The following CELF2 variants were observed in gnomAD, a reference collection of about 807,000 sequenced individuals.
CELF2 encodes CUGBP Elav-like family member 2, also known as CUG triplet repeat RNA-binding protein 2.
Under a neutral mutation model 62.6 loss-of-function variants are expected in CELF2, and 8 were observed. The ratio of observed to expected loss-of-function variants is 0.13; its 90% CI spans 0.07 to 0.23. CELF2 has a LOEUF of 0.23. Among genes scored for constraint, CELF2 ranks in the 10% least tolerant of loss-of-function variants. CELF2 has a pLI of 1.00. For synonymous variants in CELF2, 258 were observed against 250.0 expected, an observed-to-expected ratio of 1.03 and a Z score of -0.30; for missense variants, 333 against 671.0, an observed-to-expected ratio of 0.50 and a Z score of 5.56.
chr10:11,288,409 C>T lies in CELF2; in HGVS notation c.842-9C>T. 6.2e-7 allele frequency: 1 copy of T among 1,613,438 alleles called. No homozygotes were observed. Among genetic ancestry groups the T allele is most frequent in the Non-Finnish European group, 8.5e-7 (1 of 1,179,766 alleles). ...TGTTGCTGAAAGTAACTTTCTCTTCCCTCCACAGGCATGAATGCTTTACAG... is the reference window on the plus strand; with the variant it reads ...TGTTGCTGAAAGTAACTTTCTCTTCTCTCCACAGGCATGAATGCTTTACAG... On this transcript the variant is annotated splice_polypyrimidine_tract_variant and intron_variant, in intron 8 of 12. Transcript: ENST00000633077.
At chr10:10,788,209 T>C in the CELF2 span, among the ~76,000 whole-genome samples, 1 of 152,094 alleles carries the variant, frequency 6.6e-6, no homozygotes, top group Admixed American at 6.5e-5. Flanking sequence ...TGTAGCTGTA[T>C]GGATATATTT....
intron 1 of CELF2, among the ~76,000 whole-genome samples, chr10:11,048,598 A>G (rs1173432445): frequency 3.3e-5 from 5 of 152,262 alleles, no homozygotes; most frequent in African/African-American, 1.2e-4. Flanking sequence ...CTTGTTTGAC[A>G]ACACCATTAC....
intron 1 of CELF2, among the ~76,000 whole-genome samples, chr10:10,912,200 C>T (rs79972555): frequency 0.02 from 3,012 of 152,306 alleles, 96 homozygotes; most frequent in African/African-American, 0.068. Context: ...AGAGTCACCG[C>T]ATCAGAGAGG....
the CELF2 span, among the ~76,000 whole-genome samples, chr10:10,607,413 C>A: frequency 6.6e-5 from 10 of 152,234 alleles, no homozygotes; most frequent in African/African-American, 1.9e-4. Context: ...TTCAAACTAC[C>A]AGTAGTTGAA....
intron 2 of CELF2, among the ~76,000 whole-genome samples, chr10:11,215,705 C>G (rs1411126467): frequency 6.6e-6 from 1 of 152,098 alleles, no homozygotes; most frequent in Non-Finnish European, 1.5e-5. Flanking sequence ...GGAGAAGTCA[C>G]TGAGACTGTG....
chr10:11,187,279 G>C (rs1172014659), intron 2 of CELF2, among the ~76,000 whole-genome samples: 2 of 152,060 alleles, frequency 1.3e-5, no homozygotes, highest in African/African-American at 2.4e-5. Flanking sequence ...TGGTGGTTTT[G>C]AAATGACCTT....
chr10:10,979,532 A>G (rs1468645222), intron 2 of CELF2, among the ~76,000 whole-genome samples: 1 of 151,996 alleles, frequency 6.6e-6, no homozygotes, highest in East Asian at 1.9e-4. Flanking sequence ...TTAGCCGGGC[A>G]TGGTGGTGCA....
chr10:11,042,724 T>G (rs2062060142), intron 1 of CELF2, among the ~76,000 whole-genome samples: 1 of 152,158 alleles, frequency 6.6e-6, no homozygotes, highest in African/African-American at 2.4e-5. Flanking sequence ...AGGCAACCAT[T>G]GATCTCTGTT....
At chr10:10,639,289 CA>C in the CELF2 span, among the ~76,000 whole-genome samples, 1 of 152,122 alleles carries the variant, frequency 6.6e-6, no homozygotes, top group Non-Finnish European at 1.5e-5. Flanking sequence ...TCAATTATGA[CA>C]AAAGAAATTA....
chr10:11,005,020 T>C, upstream of CELF2: 7 of 983,364 alleles, frequency 7.1e-6, no homozygotes, highest in Non-Finnish European at 8.5e-6. The surrounding 1 kb of genome is among the most constrained non-coding windows in gnomAD (Gnocchi z 4.3). Flanking sequence ...CCTTGGTTGT[T>C]GTTTTTTTTG....
intron 1 of CELF2, among the ~76,000 whole-genome samples, chr10:10,898,095 C>G (rs1400733995): frequency 6.6e-6 from 1 of 152,144 alleles, no homozygotes; most frequent in African/African-American, 2.4e-5. Context: ...AGGCCAGTAA[C>G]TCCTTTATTT....
intron 1 of CELF2, among the ~76,000 whole-genome samples, chr10:11,142,130 G>C (rs941293379): frequency 2.0e-5 from 3 of 152,218 alleles, no homozygotes; most frequent in Admixed American, 6.5e-5. Flanking sequence ...CTGCCCATCA[G>C]ATGGCTTACA....
At chr10:11,074,874 G>C (rs540973646) in intron 1 of CELF2, 1 of 152,312 alleles carries the variant, frequency 6.6e-6, no homozygotes, top group East Asian at 1.9e-4. Context: ...TTATTCTTAT[G>C]TTGAAATATC....
At chr10:11,033,238 C>T (rs1031552874) in intron 1 of CELF2, among the ~76,000 whole-genome samples, 3 of 149,096 alleles carry the variant, frequency 2.0e-5, no homozygotes, top group African/African-American at 4.9e-5. Context: ...ATCACAAATA[C>T]TGTCTCAATG....
chr10:11,085,998 T>G (rs1217053855), intron 1 of CELF2, among the ~76,000 whole-genome samples: 1 of 152,146 alleles, frequency 6.6e-6, no homozygotes, highest in African/African-American at 2.4e-5. Context: ...ATTTAATGAA[T>G]TAATACACGT....
chr10:10,749,744 A>T, the CELF2 span, among the ~76,000 whole-genome samples: 2 of 152,254 alleles, frequency 1.3e-5, no homozygotes, highest in African/African-American at 4.8e-5. Flanking sequence ...GACTGGAAGC[A>T]AATTAGTAAA....
chr10:10,558,785 A>T, the CELF2 span, among the ~76,000 whole-genome samples: 1 of 152,238 alleles, frequency 6.6e-6, no homozygotes, highest in East Asian at 1.9e-4. Context: ...TGTCGAGGAA[A>T]TTTATCCATT....
chr10:11,318,528 A>T lies in CELF2; in HGVS notation c.1097-2661A>T. On this transcript the variant is annotated intron_variant, in intron 10 of 12. Transcript: ENST00000633077. This position sits in a 1 kb window ranked among gnomAD's most constrained non-coding sequence, Gnocchi z 5.4. ...CCTTCCAGAAAGCAGATTAGCTCTG[A>T]GGTGTAGTCCAGAGACACAGCCAGC... 1 of 357,668 alleles carries T rather than the reference A, an allele frequency of 2.8e-6. No individual in the cohort carries two copies. Among genetic ancestry groups the T allele is most frequent in the Non-Finnish European group, 5.6e-6 (1 of 180,178 alleles). 22.2% of individuals were successfully genotyped at this position (357,668 alleles called of 1,614,324 possible).
the CELF2 span, among the ~76,000 whole-genome samples, chr10:10,710,569 G>A: frequency 6.6e-6 from 1 of 152,108 alleles, no homozygotes; most frequent in African/African-American, 2.4e-5. Context: ...AAACAGTTTG[G>A]GTGAAAATCA....
Sources: gnomAD v4.1 joint callset for allele counts (sites outside exome capture counted in the v4.1 genomes callset) on GRCh38, gnomAD v4.1.1 for gene constraint, Gnocchi (gnomAD v3.1) non-coding constraint, MANE v1.5 for transcripts, NCBI Gene and HGNC (gene_info 2026-07-23, HGNC 2026-07-21) for gene names.